Variants in TBX19 observed in about 807,000 individuals in gnomAD.
The protein encoded by TBX19 is T-box transcription factor 19.
A neutral mutation model predicts 40.9 loss-of-function variants in TBX19; 33 were observed. The ratio of observed to expected loss-of-function variants is 0.81; its 90% CI spans 0.61 to 1.08. The LOEUF (loss-of-function observed/expected upper bound fraction) is 1.08, where lower values mean the gene tolerates loss of function less well. TBX19 is among the 50% of genes least tolerant of loss of function. The probability of loss-of-function intolerance (pLI) is 0.00; values close to 1 mark genes in which losing one functional copy is unlikely to be tolerated. For missense variants in TBX19, 494 were observed against 574.0 expected (o/e 0.86, Z 1.42); for synonymous variants, 220 against 225.0 (o/e 0.98, Z 0.20).
chr1:168,288,897 A>G (rs1342728235), intron 1 of TBX19, among the ~76,000 whole-genome samples: 1 of 152,154 alleles, frequency 6.6e-6, no homozygotes, highest in East Asian at 1.9e-4. Context: ...AATAGCTGGA[A>G]CTACAGGTGT....
At chr1:168,285,360 AAAGTGTTTAC>A (rs1033358842) in intron 1 of TBX19, among the ~76,000 whole-genome samples, 3 of 151,972 alleles carry the variant, frequency 2.0e-5, no homozygotes, top group African/African-American at 7.3e-5. Context: ...GAGATGGAGG[AAAGTGTTTAC>A]AAGTTTAACT....
At chr1:168,283,621 C>T (rs1457402993) in intron 1 of TBX19, among the ~76,000 whole-genome samples, 1 of 152,174 alleles carries the variant, frequency 6.6e-6, no homozygotes, top group Non-Finnish European at 1.5e-5. Flanking sequence ...CCTTTCTACC[C>T]ATTCTCCTAT....
chr1:168,291,195 G>T lies in TBX19; in HGVS notation c.239G>T (p.Gly80Val). 1 of 1,614,196 alleles carries T rather than the reference G, an allele frequency of 6.2e-7. No individual in the cohort carries two copies. The highest frequency in any genetic ancestry group is 2.2e-5 in the East Asian group (1 of 44,878). Residue 80 changes from glycine (G) to valine (V), a missense_variant, in exon 2 of 8, where the codon GGG becomes GTG. By Grantham distance (109) the Gly-to-Val change is moderately radical. Transcript: ENST00000367821. ...CCAGTCCTAAAGATTAGTGTCACAG[G>T]GTTGGACCCCAATGCCATGTACTCC... ...MFPVLKISVT[G>V]LDPNAMYSLL...
chr1:168,312,131 A>G (rs751779560), intron 7 of TBX19, among the ~76,000 whole-genome samples: 1 of 152,232 alleles, frequency 6.6e-6, no homozygotes, highest in South Asian at 2.1e-4. Context: ...TGAGTACTAC[A>G]TGCTAAGGAC....
At position 168,298,909 on chromosome 1, in the gene TBX19, CTCTT is replaced by C. The variant is rs1161348046; in HGVS notation, c.665+1131_665+1134del. 4.3e-4 allele frequency among the ~76,000 whole-genome samples: 57 copies of C among 131,740 alleles called. 1 individual carries two copies. The highest frequency in any genetic ancestry group is 1.3e-3 in the African/African-American group (46 of 34,208). 86.4% of individuals were successfully genotyped at this position (131,740 alleles called of 152,430 possible). ...TTTCTTTCTTTCTTTCTCTCTCTCT[CTCTT>C]TCTTTCATTCTTCCTTCCTTCTTTC... is the stretch of plus-strand genomic sequence containing the variant. On this transcript the variant is annotated intron_variant, in intron 4 of 7. Transcript: ENST00000367821.
intron 1 of TBX19, among the ~76,000 whole-genome samples, chr1:168,285,307 A>G (rs943697159): frequency 2.7e-5 from 4 of 150,832 alleles, no homozygotes; most frequent in Non-Finnish European, 5.9e-5. Flanking sequence ...ACACCCCTCT[A>G]AAAGTTCTGA....
intron 6 of TBX19, chr1:168,308,516 G>A (rs1472084517): frequency 1.1e-5 from 6 of 562,136 alleles, no homozygotes; most frequent in Non-Finnish European, 1.9e-5. Context: ...ATGGAGTTAA[G>A]GAGTCACTGG....
chr1:168,301,535 A>G (rs1036030637), intron 5 of TBX19, among the ~76,000 whole-genome samples: 3 of 152,372 alleles, frequency 2.0e-5, no homozygotes, highest in African/African-American at 7.2e-5. Flanking sequence ...TGCCGGGATT[A>G]CAGGCATGAG....
chr1:168,300,559 T>C, intron 5 of TBX19, 76 bp downstream of exon 5: 1 of 1,391,766 alleles, frequency 7.2e-7, no homozygotes, highest in Non-Finnish European at 1.0e-6. Flanking sequence ...TCAGACTCTT[T>C]GCCTGTCAGG....
chr1:168,286,325 T>A (rs1648804433), intron 1 of TBX19, among the ~76,000 whole-genome samples: 1 of 152,228 alleles, frequency 6.6e-6, no homozygotes, highest in Admixed American at 6.5e-5. Flanking sequence ...GAGTTGTGCA[T>A]CCATCTCCAC....
At position 168,307,257 on chromosome 1, in the gene TBX19, TAATTTA is replaced by T. The variant is rs1188874809; in HGVS notation, c.917-1484_917-1479del. Among the ~76,000 whole-genome samples the T allele has an allele frequency of 7.9e-5, 12 of 152,150 alleles. No homozygotes were observed. The East Asian group carries it at 2.1e-3, about 27-fold the overall frequency. The stretch of plus-strand genomic sequence containing the variant: ...CTATAACAAAATACTTGAGATTGGG[TAATTTA>T]TAAGCAATAGACCTTTATTTTCTCA... On this transcript the variant is annotated intron_variant, in intron 6 of 7. Transcript: ENST00000367821.
Position 168,313,923 on chromosome 1 carries a change from A to G in TBX19, c.*921A>G, listed in dbSNP as rs1649582263. ...AAGGCTTTGTTTCATTTGAAAAAAA[A>G]GAAAGAAAGAAAGAAAGAAAGAAAT... On this transcript the variant is annotated 3_prime_UTR_variant, in exon 8 of 8. Transcript: ENST00000367821. The G allele has an allele frequency of 2.1e-5, 1 of 47,082 alleles. No homozygotes were observed. Among genetic ancestry groups the G allele is most frequent in the Non-Finnish European group, 4.2e-5 (1 of 23,960 alleles). 2.9% of individuals were successfully genotyped at this position (47,082 alleles called of 1,614,324 possible).
rs1221090026 is a variant in TBX19 at position 168,313,230 on chromosome 1, A to G, written c.*228A>G. On this transcript the variant is annotated 3_prime_UTR_variant, in exon 8 of 8. Coordinates refer to ENST00000367821, the MANE Select transcript of TBX19 (RefSeq NM_005149.3). ...TCTTCTGCACTCCCATTTTCTCTGC[A>G]GCTTATTCTTGCCATGCTTAGGTGA... 3 of 604,198 alleles carry G rather than the reference A, an allele frequency of 5.0e-6. No individual in the cohort carries two copies. The highest frequency in any genetic ancestry group is 2.9e-6 in the Non-Finnish European group (1 of 342,292). The allele number at this position is 604,198 out of a possible 1,614,324, so 37.4% of individuals were successfully genotyped here.
intron 4 of TBX19, among the ~76,000 whole-genome samples, chr1:168,298,408 CT>C (rs150844753): frequency 0.025 from 3,756 of 152,148 alleles, 148 homozygotes; most frequent in African/African-American, 0.083. Flanking sequence ...TTCACTCTGC[CT>C]TTTTCCTAAT....
chr1:168,305,602 G>A (rs1649387311), intron 6 of TBX19, among the ~76,000 whole-genome samples: 1 of 152,150 alleles, frequency 6.6e-6, no homozygotes, highest in South Asian at 2.1e-4. Flanking sequence ...GGAATACTGG[G>A]TCTAGCATTA....
At chr1:168,299,623 G>T (rs1302217546) in intron 4 of TBX19, among the ~76,000 whole-genome samples, 32 of 152,044 alleles carry the variant, frequency 2.1e-4, no homozygotes, top group Admixed American at 2.1e-3. Flanking sequence ...CTACAGGCAT[G>T]TGCCACCATG....
rs143086625 is a variant in TBX19, at chr1:168,280,981, G to T, written c.-110G>T. 1.9e-6 allele frequency: 2 copies of T among 1,032,412 alleles called. No homozygotes were observed. Among genetic ancestry groups the T allele is most frequent in the Admixed American group, 3.9e-5 (2 of 50,936 alleles). 64.0% of individuals were successfully genotyped at this position (1,032,412 alleles called of 1,614,324 possible). ...GCAAGAGCCAGGGTATCTTCTCTCC[G>T]CTCCCCAAGCACTGTTCAAGTGGGT... is the stretch of plus-strand genomic sequence containing the variant. On this transcript the variant is annotated 5_prime_UTR_variant, in exon 1 of 8. Transcript: ENST00000367821.
At chr1:168,281,688 A>T (rs1648655514) in intron 1 of TBX19, among the ~76,000 whole-genome samples, 1 of 152,220 alleles carries the variant, frequency 6.6e-6, no homozygotes. Flanking sequence ...TGGAAGCTGG[A>T]TGATCTCCTC....
At chr1:168,310,644 TA>T (rs1649496620) in intron 7 of TBX19, among the ~76,000 whole-genome samples, 1 of 149,140 alleles carries the variant, frequency 6.7e-6, no homozygotes, top group Non-Finnish European at 1.5e-5. Context: ...AAACAAAGAA[TA>T]AAAATCCCAG....
Sources: gnomAD v4.1 joint callset for allele counts (sites outside exome capture counted in the v4.1 genomes callset) on GRCh38, gnomAD v4.1.1 for gene constraint, MANE v1.5 for transcripts, NCBI Gene and HGNC (gene_info 2026-07-23, HGNC 2026-07-21) for gene names.